Variants in ZKSCAN1 observed in about 807,000 individuals in gnomAD.
ZKSCAN1 encodes the protein zinc finger with KRAB and SCAN domains 1.
Under a neutral mutation model 51.6 loss-of-function variants are expected in ZKSCAN1, and 14 were observed. The ratio of observed to expected loss-of-function variants is 0.27; its 90% CI spans 0.18 to 0.42. ZKSCAN1 has a LOEUF of 0.42. ZKSCAN1 is among the 10% of genes least tolerant of loss of function. The pLI, the probability that ZKSCAN1 is intolerant of heterozygous loss-of-function variation, is 1.00. For synonymous variants in ZKSCAN1, 263 were observed against 261.5 expected (o/e 1.01, Z -0.06); for missense variants, 531 against 710.0 (o/e 0.75, Z 2.86).
chr7:100,033,419 G>A lies in ZKSCAN1; in HGVS notation c.914G>A (p.Arg305His). Residue 305 changes from arginine to histidine, a missense_variant, in exon 6 of 6, where the codon CGT becomes CAT. Coordinates refer to ENST00000324306, the MANE Select transcript of ZKSCAN1 (RefSeq NM_003439.4). This position sits in a 1 kb window ranked among gnomAD's most constrained non-coding sequence, Gnocchi z 4.1. ...GRSQKEFGEKRDQEGKTGERQ... is the reference protein window; with the variant it reads ...GRSQKEFGEKHDQEGKTGERQ... ...TCCCAGAAAGAGTTTGGAGAGAAAC[G>A]TGACCAGGAGGGCAAAACAGGAGAA... is the stretch of plus-strand genomic sequence containing the variant. The A allele has an allele frequency of 1.9e-6, 3 of 1,614,056 alleles. No homozygotes were observed. Among genetic ancestry groups the A allele is most frequent in the African/African-American group, 1.3e-5 (1 of 74,990 alleles).
Position 100,038,349 on chromosome 7 carries a change from A to T in ZKSCAN1, c.*4152A>T. 1 of 985,490 alleles carries T rather than the reference A, an allele frequency of 1.0e-6. No individual in the cohort carries two copies. The allele number at this position is 985,490 out of a possible 1,614,324, so 61.0% of individuals were successfully genotyped here. On this transcript the variant is annotated 3_prime_UTR_variant, in exon 6 of 6. Coordinates refer to ENST00000324306, the MANE Select transcript of ZKSCAN1 (RefSeq NM_003439.4). ...GTGATTGTAGACAAAAAGTCGGTTC[A>T]CAGAACGGAGCAGCGGGGAGAGGAA... is the stretch of plus-strand genomic sequence containing the variant.
In ZKSCAN1 at chr7:100,040,113, A is replaced by T; in HGVS notation, c.*5916A>T. ...CTTTGTGAAACAAACTTGAAGTTAT[A>T]GGGAGGTAAGCCATCTCCAACTCTG... On this transcript the variant is annotated 3_prime_UTR_variant, in exon 6 of 6. Transcript: ENST00000324306. 1 of 949,370 alleles carries T rather than the reference A, an allele frequency of 1.1e-6. No individual in the cohort carries two copies. The highest frequency in any genetic ancestry group is 1.3e-6 in the Non-Finnish European group (1 of 797,232). The allele number at this position is 949,370 out of a possible 1,614,324, so 58.8% of individuals were successfully genotyped here. A position where few individuals can be genotyped will look rare whatever the true frequency, so the allele number is the denominator to read the frequency against.
chr7:100,033,261 C>T lies in ZKSCAN1; in HGVS notation c.800-44C>T. On this transcript the variant is annotated intron_variant, in intron 5 of 5. Coordinates refer to ENST00000324306, the MANE Select transcript of ZKSCAN1 (RefSeq NM_003439.4). The surrounding 1 kb of genome is among the most constrained non-coding windows in gnomAD (Gnocchi z 4.1). ...CTGTCGCTTGACCCACCTGTATATT[C>T]AAAAGAAAAAGGTGCGATTTGAATT... is the stretch of plus-strand genomic sequence containing the variant. 1 of 1,543,666 alleles carries T rather than the reference C, an allele frequency of 6.5e-7. No individual in the cohort carries two copies. Among genetic ancestry groups the T allele is most frequent in the Non-Finnish European group, 8.7e-7 (1 of 1,151,692 alleles).
rs1471498369 is a variant in ZKSCAN1 at position 100,037,945 on chromosome 7, G to A, written c.*3748G>A. 14 of 878,506 alleles carry A rather than the reference G, an allele frequency of 1.6e-5. No homozygotes were observed. Among genetic ancestry groups the A allele is most frequent in the African/African-American group, 3.6e-5 (2 of 54,916 alleles). The allele number at this position is 878,506 out of a possible 1,614,324, so 54.4% of individuals were successfully genotyped here. A position where few individuals can be genotyped will look rare whatever the true frequency, so the allele number is the denominator to read the frequency against. On this transcript the variant is annotated 3_prime_UTR_variant, in exon 6 of 6. Coordinates refer to ENST00000324306, the MANE Select transcript of ZKSCAN1 (RefSeq NM_003439.4). ...TGAGGCAGGAGAATGGCTTGAACCT[G>A]CGAGGCGGAGGTTGCAGTGAGCTAA...
At chr7:100,023,395 A>G in intron 1 of ZKSCAN1, 24 bp from the exon 2 acceptor site, 1 of 1,268,464 alleles carries the variant, frequency 7.9e-7, no homozygotes, top group Non-Finnish European at 1.1e-6. Flanking sequence ...GGTACGTACT[A>G]ATGACTTTTT....
Position 100,040,749 on chromosome 7 carries a change from T to C in ZKSCAN1, c.*6552T>C. On this transcript the variant is annotated 3_prime_UTR_variant, in exon 6 of 6. Transcript: ENST00000324306. Reference sequence around the variant, plus strand: ...CCGAGGAAAGGCTGTTGGGGTGTGCTGGGGTTGGTACCCGAGCGCCTTCCC... The same window carrying C: ...CCGAGGAAAGGCTGTTGGGGTGTGCCGGGGTTGGTACCCGAGCGCCTTCCC... The C allele has an allele frequency of 2.0e-6, 2 of 985,472 alleles. No homozygotes were observed. The highest frequency in any genetic ancestry group is 2.4e-6 in the Non-Finnish European group (2 of 829,974). 61.0% of individuals were successfully genotyped at this position (985,472 alleles called of 1,614,324 possible).
intron 3 of ZKSCAN1, among the ~76,000 whole-genome samples, chr7:100,025,318 CAAAAAA>C (rs35796352): frequency 9.6e-6 from 1 of 103,878 alleles, no homozygotes; most frequent in South Asian, 3.0e-4. Context: ...AGTCTGTTTC[CAAAAAA>C]AAAAAAAAAA....
chr7:100,044,066 C>A (rs186708252), downstream of ZKSCAN1, among the ~76,000 whole-genome samples: 36 of 152,152 alleles, frequency 2.4e-4, no homozygotes, highest in Admixed American at 2.2e-3. Context: ...CGTGAGCCAC[C>A]GCTCCCAGCC....
At chr7:100,018,952 C>G in intron 1 of ZKSCAN1, among the ~76,000 whole-genome samples, 1 of 152,194 alleles carries the variant, frequency 6.6e-6, no homozygotes, top group East Asian at 1.9e-4. Context: ...GTCGCATCTT[C>G]GCACTGACCC....
chr7:100,033,867 C>A lies in ZKSCAN1; in HGVS notation c.1362C>A (p.Ile454=). The A allele has an allele frequency of 6.2e-7, 1 of 1,614,164 alleles. No individual in the cohort carries two copies. The highest frequency in any genetic ancestry group is 8.5e-7 in the Non-Finnish European group (1 of 1,180,022). The change falls in exon 6 of 6, where the codon ATC becomes ATA. Residue 454 remains isoleucine (I), a synonymous_variant. Coordinates refer to ENST00000324306, the MANE Select transcript of ZKSCAN1 (RefSeq NM_003439.4). The surrounding 1 kb of genome is among the most constrained non-coding windows in gnomAD (Gnocchi z 4.1). ...CCAATCTCATCCTCCATCAGCGCATCCACTCTGGAGAGAAACCTTATGAAT... is the reference window on the plus strand; with the variant it reads ...CCAATCTCATCCTCCATCAGCGCATACACTCTGGAGAGAAACCTTATGAAT... The part of the protein sequence containing the change: ...HSSNLILHQR[I]HSGEKPYECN...
chr7:100,040,204 A>G lies in ZKSCAN1; in HGVS notation c.*6007A>G. 1 of 985,434 alleles carries G rather than the reference A, an allele frequency of 1.0e-6. No individual in the cohort carries two copies. The highest frequency in any genetic ancestry group is 4.7e-5 in the South Asian group (1 of 21,290). The allele number at this position is 985,434 out of a possible 1,614,324, so 61.0% of individuals were successfully genotyped here. A position where few individuals can be genotyped will look rare whatever the true frequency, so the allele number is the denominator to read the frequency against. Reference sequence around the variant, plus strand: ...CAATACAGAATGTCTTAACATGAGAATTGAATTTCATGATGTGTGGTTCCA... The same window carrying G: ...CAATACAGAATGTCTTAACATGAGAGTTGAATTTCATGATGTGTGGTTCCA... On this transcript the variant is annotated 3_prime_UTR_variant, in exon 6 of 6. Coordinates refer to ENST00000324306, the MANE Select transcript of ZKSCAN1 (RefSeq NM_003439.4).
downstream of ZKSCAN1, chr7:100,044,824 C>T (rs1791682467): frequency 2.5e-5 from 25 of 985,096 alleles, no homozygotes; most frequent in Non-Finnish European, 3.0e-5. Flanking sequence ...CACATGTCTT[C>T]TGCTTCCTGG....
chr7:100,040,060 A>G lies in ZKSCAN1; in HGVS notation c.*5863A>G, dbSNP rs1791529839. Reference sequence around the variant, plus strand: ...TATTCAGATTTTTTATTATCTGAAAATGAAATTATCTGTTTTACTTTTCAA... The same window carrying G: ...TATTCAGATTTTTTATTATCTGAAAGTGAAATTATCTGTTTTACTTTTCAA... On this transcript the variant is annotated 3_prime_UTR_variant, in exon 6 of 6. Coordinates refer to ENST00000324306, the MANE Select transcript of ZKSCAN1 (RefSeq NM_003439.4). 3.4e-6 allele frequency: 3 copies of G among 884,612 alleles called. No individual in the cohort carries two copies. The highest frequency in any genetic ancestry group is 2.7e-6 in the Non-Finnish European group (2 of 738,380). The allele number at this position is 884,612 out of a possible 1,614,324, so 54.8% of individuals were successfully genotyped here. A position where few individuals can be genotyped will look rare whatever the true frequency, so the allele number is the denominator to read the frequency against.
chr7:100,018,269 C>G (rs1790453366), intron 1 of ZKSCAN1, among the ~76,000 whole-genome samples: 1 of 152,146 alleles, frequency 6.6e-6, no homozygotes. Context: ...GTTGTCAATT[C>G]AGTCAAGTGT....
In ZKSCAN1 at chr7:100,037,746, C is replaced by A. The variant is rs1141057; in HGVS notation, c.*3549C>A. The A allele has an allele frequency of 0.57, 562,703 of 984,310 alleles. 161,769 individuals are homozygous for A. The highest frequency in any genetic ancestry group is 0.86 in the East Asian group (7,578 of 8,802). 61.0% of individuals were successfully genotyped at this position (984,310 alleles called of 1,614,324 possible). On this transcript the variant is annotated 3_prime_UTR_variant, in exon 6 of 6. Transcript: ENST00000324306. ...AGGGAGCTCAATCTTGGCCGGGCGC[C>A]GTGGCTCACGCCTGTAATCGCAGCA...
Position 100,039,353 on chromosome 7 carries a change from A to G in ZKSCAN1, c.*5156A>G. On this transcript the variant is annotated 3_prime_UTR_variant, in exon 6 of 6. Coordinates refer to ENST00000324306, the MANE Select transcript of ZKSCAN1 (RefSeq NM_003439.4). ...GAAAGAAAGAAAGAAAATTGGGGAT[A>G]GGAGAACAGCAAGGTGGGCATTTCC... is the stretch of plus-strand genomic sequence containing the variant. 2.0e-6 allele frequency: 2 copies of G among 985,446 alleles called. No homozygotes were observed. Among genetic ancestry groups the G allele is most frequent in the Non-Finnish European group, 2.4e-6 (2 of 830,080 alleles). The allele number at this position is 985,446 out of a possible 1,614,324, so 61.0% of individuals were successfully genotyped here.
rs1791533787 is a variant in ZKSCAN1 at position 100,040,181 on chromosome 7, A to G, written c.*5984A>G. ...TGGGAAATACTTTTGACATCCCACAATACAGAATGTCTTAACATGAGAATT... is the reference window on the plus strand; with the variant it reads ...TGGGAAATACTTTTGACATCCCACAGTACAGAATGTCTTAACATGAGAATT... On this transcript the variant is annotated 3_prime_UTR_variant, in exon 6 of 6. Coordinates refer to ENST00000324306, the MANE Select transcript of ZKSCAN1 (RefSeq NM_003439.4). 8.1e-6 allele frequency: 8 copies of G among 985,448 alleles called. No individual in the cohort carries two copies. The highest frequency in any genetic ancestry group is 9.6e-6 in the Non-Finnish European group (8 of 829,928). 61.0% of individuals were successfully genotyped at this position (985,448 alleles called of 1,614,324 possible).
Position 100,024,255 on chromosome 7 carries a change from C to T in ZKSCAN1, c.528C>T (p.Thr176=). Residue 176 remains threonine, a synonymous_variant, in exon 3 of 6, where the codon ACC becomes ACT. Coordinates refer to ENST00000324306, the MANE Select transcript of ZKSCAN1 (RefSeq NM_003439.4). ...GCTTTGACCTTCATCACGAGGCCACCCAGTCCCACTTCAAACATTCGTCTC... is the reference window on the plus strand; with the variant it reads ...GCTTTGACCTTCATCACGAGGCCACTCAGTCCCACTTCAAACATTCGTCTC... ...SSSFDLHHEA[T]QSHFKHSSRK... The T allele has an allele frequency of 6.2e-7, 1 of 1,613,992 alleles. No individual in the cohort carries two copies. Among genetic ancestry groups the T allele is most frequent in the Non-Finnish European group, 8.5e-7 (1 of 1,180,006 alleles).
chr7:100,036,229 C>T lies in ZKSCAN1; in HGVS notation c.*2032C>T, dbSNP rs1184632384. Reference sequence around the variant, plus strand: ...GTTTCATCAGCATTACTTGGGAAAACGTGTTGCAAGTCAACCAGTCACTAG... The same window carrying T: ...GTTTCATCAGCATTACTTGGGAAAATGTGTTGCAAGTCAACCAGTCACTAG... On this transcript the variant is annotated 3_prime_UTR_variant, in exon 6 of 6. Coordinates refer to ENST00000324306, the MANE Select transcript of ZKSCAN1 (RefSeq NM_003439.4). 6.1e-6 allele frequency: 6 copies of T among 985,302 alleles called. No individual in the cohort carries two copies. The highest frequency in any genetic ancestry group is 4.7e-5 in the South Asian group (1 of 21,294). The allele number at this position is 985,302 out of a possible 1,614,324, so 61.0% of individuals were successfully genotyped here. A position where few individuals can be genotyped will look rare whatever the true frequency, so the allele number is the denominator to read the frequency against.
Sources: allele counts gnomAD v4.1 joint callset (sites outside exome capture counted in the v4.1 genomes callset), GRCh38; gene constraint gnomAD v4.1.1; non-coding constraint Gnocchi (gnomAD v3.1); transcripts MANE v1.5; gene names NCBI Gene and HGNC (gene_info 2026-07-23, HGNC 2026-07-21).